The following PALLD variants were observed in gnomAD, a reference collection of about 807,000 sequenced individuals.
PALLD encodes palladin, cytoskeletal associated protein, also known as palladin.
In PALLD, 61 loss-of-function variants were observed where a neutral mutation model predicts 123.5. The observed-to-expected ratio is 0.49, with a 90% CI of 0.40 to 0.61. The LOEUF is 0.61. PALLD is among the 20% of genes least tolerant of loss of function. PALLD has a pLI of 0.00. For missense variants in PALLD, 1,273 were observed against 1,377.0 expected, an observed-to-expected ratio of 0.92 and a Z score of 1.20; for synonymous variants, 465 against 496.4, an observed-to-expected ratio of 0.94 and a Z score of 0.84.
intron 10 of PALLD, among the ~76,000 whole-genome samples, chr4:168,806,740 G>A (rs962844564): frequency 2.0e-5 from 3 of 152,258 alleles, no homozygotes; most frequent in Admixed American, 6.5e-5. Context: ...AGAAGCGGTC[G>A]TTTAGCATAG....
chr4:168,697,025 T>G lies in PALLD; in HGVS notation c.1501+5733T>G, dbSNP rs139933051. Among the ~76,000 whole-genome samples the G allele has an allele frequency of 9.2e-3, 1,380 of 149,748 alleles. 15 individuals carry two copies. The highest frequency in any genetic ancestry group is 0.033 in the African/African-American group (1,287 of 39,166). On this transcript the variant is annotated intron_variant, in intron 8 of 21. Transcript: ENST00000505667. Reference sequence around the variant, plus strand: ...GCACGTCATCATGAAATTCAGAATTTCCAGGACAAGGAGATCATGTTATAA... The same window carrying G: ...GCACGTCATCATGAAATTCAGAATTGCCAGGACAAGGAGATCATGTTATAA...
intron 2 of PALLD, among the ~76,000 whole-genome samples, chr4:168,576,005 C>T (rs551632525): frequency 6.6e-6 from 1 of 152,140 alleles, no homozygotes; most frequent in South Asian, 2.1e-4. Context: ...CCATAGTCCA[C>T]AATTGGAGGA....
intron 2 of PALLD, among the ~76,000 whole-genome samples, chr4:168,651,330 T>C (rs540078236): frequency 1.7e-4 from 26 of 152,330 alleles, no homozygotes; most frequent in Middle Eastern, 6.8e-3. Context: ...ACATTTTCTT[T>C]GTAACATCCA....
At chr4:168,576,461 T>A (rs1257662499) in intron 2 of PALLD, among the ~76,000 whole-genome samples, 2 of 151,910 alleles carry the variant, frequency 1.3e-5, no homozygotes, top group South Asian at 4.2e-4. Flanking sequence ...GTTCAATTCC[T>A]ACCTATGAGT....
At chr4:168,748,220 C>T (rs1454323329) in intron 10 of PALLD, among the ~76,000 whole-genome samples, 1 of 152,194 alleles carries the variant, frequency 6.6e-6, no homozygotes. Flanking sequence ...CTGTGGTCCT[C>T]CAAACCAGCA....
intron 10 of PALLD, among the ~76,000 whole-genome samples, chr4:168,887,823 A>AAGGG (rs3040707): frequency 0.55 from 83,585 of 151,638 alleles, 25,616 homozygotes; most frequent in East Asian, 0.88. Flanking sequence ...TTGACTGAGG[A>AAGGG]AGGGAGGGGA....
At chr4:168,649,357 A>G (rs1232609792) in intron 2 of PALLD, among the ~76,000 whole-genome samples, 1 of 152,210 alleles carries the variant, frequency 6.6e-6, no homozygotes, top group Non-Finnish European at 1.5e-5. Context: ...TTTGATTCTT[A>G]TTAAGACCAT....
At chr4:168,804,960 A>G (rs1739943830) in intron 10 of PALLD, among the ~76,000 whole-genome samples, 1 of 152,142 alleles carries the variant, frequency 6.6e-6, no homozygotes, top group Non-Finnish European at 1.5e-5. Context: ...GGAGTTCAAG[A>G]CCAGCCTGGC....
intron 10 of PALLD, among the ~76,000 whole-genome samples, chr4:168,733,504 T>C (rs1464775858): frequency 6.6e-6 from 1 of 151,732 alleles, no homozygotes; most frequent in Admixed American, 6.6e-5. Context: ...TACAACTTGA[T>C]CATAATTGTA....
chr4:168,611,475 T>C (rs1335727789), intron 2 of PALLD, among the ~76,000 whole-genome samples: 1 of 152,140 alleles, frequency 6.6e-6, no homozygotes, highest in Non-Finnish European at 1.5e-5. Context: ...CCTCTCTTCT[T>C]CTTGTTAACA....
At chr4:168,576,932 G>C (rs1375189723) in intron 2 of PALLD, among the ~76,000 whole-genome samples, 1 of 152,032 alleles carries the variant, frequency 6.6e-6, no homozygotes, top group Non-Finnish European at 1.5e-5. Context: ...GAAAAAACAG[G>C]TGCTGGAGAG....
chr4:168,529,381 C>CAGTTA (rs1287731432), intron 2 of PALLD, among the ~76,000 whole-genome samples: 1 of 152,044 alleles, frequency 6.6e-6, no homozygotes, highest in African/African-American at 2.4e-5. Flanking sequence ...AATCTGACTC[C>CAGTTA]CTCCCTCAGT....
At chr4:168,534,338 A>T (rs1014448065) in intron 2 of PALLD, among the ~76,000 whole-genome samples, 2 of 152,266 alleles carry the variant, frequency 1.3e-5, no homozygotes, top group African/African-American at 4.8e-5. Context: ...GAACGTGTTC[A>T]TCTGAGAGTC....
chr4:168,706,309 C>T (rs1308589768), intron 8 of PALLD, among the ~76,000 whole-genome samples: 1 of 152,128 alleles, frequency 6.6e-6, no homozygotes, highest in Non-Finnish European at 1.5e-5. Context: ...AATTTAGATT[C>T]AATGTAGAAC....
At chr4:168,540,618 A>G (rs1765521310) in intron 2 of PALLD, among the ~76,000 whole-genome samples, 1 of 152,170 alleles carries the variant, frequency 6.6e-6, no homozygotes, top group Non-Finnish European at 1.5e-5. Flanking sequence ...GTATGCATGT[A>G]TGTTTGTTTT....
At chr4:168,544,136 C>T (rs62335462) in intron 2 of PALLD, among the ~76,000 whole-genome samples, 12,119 of 152,148 alleles carry the variant, frequency 0.08, 714 homozygotes, top group Non-Finnish European at 0.12. Context: ...GAATGTGTTC[C>T]AACTTTTAAA....
chr4:168,501,343 G>A (rs1218638557), intron 1 of PALLD, among the ~76,000 whole-genome samples: 4 of 152,092 alleles, frequency 2.6e-5, no homozygotes, highest in African/African-American at 9.7e-5. Flanking sequence ...GAGCCCACTA[G>A]ATCAAGGTTG....
chr4:168,683,015 C>A lies in PALLD; in HGVS notation c.1172C>A (p.Thr391Asn). Residue 391 changes from threonine to asparagine, a missense_variant, in exon 5 of 22, where the codon ACT becomes AAT. Transcript: ENST00000505667. ...TTTTCCAGAGCTCAAAAGAAAACAACTTCTGTTTCCTTGACAATAGGATCA... is the reference window on the plus strand; with the variant it reads ...TTTTCCAGAGCTCAAAAGAAAACAAATTCTGTTTCCTTGACAATAGGATCA... ...GAMPQAQKKT[T>N]SVSLTIGSSS... 6.2e-7 allele frequency: 1 copy of A among 1,607,882 alleles called. No individual in the cohort carries two copies. Among genetic ancestry groups the A allele is most frequent in the Non-Finnish European group, 8.5e-7 (1 of 1,174,678 alleles).
intron 15 of PALLD, 112 bp from the exon 16 acceptor site, chr4:168,913,815 A>G: frequency 1.3e-6 from 1 of 795,550 alleles, no homozygotes; most frequent in Non-Finnish European, 2.2e-6. Flanking sequence ...CAAATGGCAT[A>G]CTGAATTTTT....
Sources: allele counts gnomAD v4.1 joint callset (sites outside exome capture counted in the v4.1 genomes callset), GRCh38; gene constraint gnomAD v4.1.1; transcripts MANE v1.5; gene names NCBI Gene and HGNC (gene_info 2026-07-23, HGNC 2026-07-21).